The following XKR6 variants were observed in gnomAD, a reference collection of about 807,000 sequenced individuals.
The protein encoded by XKR6 is XK-related protein 6.
A neutral mutation model predicts 56.7 loss-of-function variants in XKR6; 22 were observed. That is an observed-to-expected ratio of 0.39 (90% CI 0.28 to 0.55). The LOEUF (loss-of-function observed/expected upper bound fraction) is 0.55. Among genes scored for constraint, XKR6 ranks in the 20% least tolerant of loss-of-function variants. XKR6 has a pLI of 0.66. For synonymous variants in XKR6, 524 were observed against 387.8 expected (o/e 1.35, Z -4.13); for missense variants, 852 against 889.0 (o/e 0.96, Z 0.53).
At chr8:10,947,865 G>C (rs1490442676) in intron 1 of XKR6, among the ~76,000 whole-genome samples, 3 of 152,204 alleles carry the variant, frequency 2.0e-5, no homozygotes, top group South Asian at 2.1e-4. Flanking sequence ...CACAGGTGTA[G>C]GGACCCAAGA....
rs58110699 is a variant in XKR6 at position 11,049,485 on chromosome 8, A to G, written c.765-124655T>C. ...GGGGCTGCGGGAATTAGCCTCCTCC[A>G]GGGGTGGCTGTACGTGAAGACCTAC... On this transcript the variant is annotated intron_variant, in intron 1 of 2. Transcript: ENST00000416569. 2.1e-3 allele frequency among the ~76,000 whole-genome samples: 316 copies of G among 152,258 alleles called. 1 individual carries two copies. Among genetic ancestry groups the G allele is most frequent in the African/African-American group, 7.1e-3 (294 of 41,556 alleles).
intron 1 of XKR6, among the ~76,000 whole-genome samples, chr8:11,086,239 A>C (rs1797887051): frequency 6.6e-6 from 1 of 151,990 alleles, no homozygotes; most frequent in South Asian, 2.1e-4. Flanking sequence ...AGTTGCTTAA[A>C]TGTAAATTAG....
intron 1 of XKR6, among the ~76,000 whole-genome samples, chr8:11,055,427 G>A (rs1232725821): frequency 6.6e-6 from 1 of 152,186 alleles, no homozygotes; most frequent in African/African-American, 2.4e-5. Context: ...CCCAAGGTCG[G>A]GGCCTTGAGG....
chr8:10,914,167 G>GC (rs199659731), intron 2 of XKR6, among the ~76,000 whole-genome samples: 4 of 134,844 alleles, frequency 3.0e-5, no homozygotes, highest in African/African-American at 1.2e-4. Flanking sequence ...CTCAGAGAGT[G>GC]CCCCCCACCC....
chr8:11,088,590 A>G (rs1433396768), intron 1 of XKR6, among the ~76,000 whole-genome samples: 5 of 152,224 alleles, frequency 3.3e-5, no homozygotes, highest in Admixed American at 2.0e-4. Context: ...TCCTTAGGTG[A>G]CAAAGACAAG....
intron 1 of XKR6, among the ~76,000 whole-genome samples, chr8:10,930,882 T>C (rs1041249578): frequency 3.3e-5 from 5 of 152,218 alleles, no homozygotes; most frequent in African/African-American, 7.2e-5. Context: ...TTATGATGTC[T>C]ACACACACCA....
chr8:11,153,381 T>C (rs1275439167), intron 1 of XKR6, among the ~76,000 whole-genome samples: 1 of 152,210 alleles, frequency 6.6e-6, no homozygotes, highest in Non-Finnish European at 1.5e-5. Context: ...GTGAGCAGTA[T>C]CAATAGGTTG....
At chr8:11,147,654 CAAAAAAAA>C (rs35057185) in intron 1 of XKR6, among the ~76,000 whole-genome samples, 1 of 100,624 alleles carries the variant, frequency 9.9e-6, no homozygotes, top group Non-Finnish European at 2.0e-5. Context: ...GACTCTGTCT[CAAAAAAAA>C]AAAAAAAAGC....
chr8:11,166,554 T>C (rs1802083503), intron 1 of XKR6, among the ~76,000 whole-genome samples: 1 of 152,168 alleles, frequency 6.6e-6, no homozygotes, highest in Non-Finnish European at 1.5e-5. Context: ...AATTTAATGT[T>C]TATTTAATCT....
At chr8:11,192,345 G>C (rs1803629186) in intron 1 of XKR6, among the ~76,000 whole-genome samples, 1 of 151,990 alleles carries the variant, frequency 6.6e-6, no homozygotes, top group South Asian at 2.1e-4. Context: ...TTTTAATAGA[G>C]ACACCATGTT....
intron 1 of XKR6, among the ~76,000 whole-genome samples, chr8:11,146,623 CAA>C (rs544514802): frequency 9.8e-5 from 6 of 61,230 alleles, no homozygotes; most frequent in Admixed American, 1.9e-4. Context: ...GAGACCCTGT[CAA>C]AAAAAAAAAA....
intron 1 of XKR6, among the ~76,000 whole-genome samples, chr8:11,016,300 G>T (rs949981410): frequency 6.6e-6 from 1 of 152,138 alleles, no homozygotes; most frequent in African/African-American, 2.4e-5. Flanking sequence ...GAGGGTCTGG[G>T]CTCCGCGCCG....
At chr8:11,041,360 A>G (rs993984327) in intron 1 of XKR6, among the ~76,000 whole-genome samples, 4 of 152,172 alleles carry the variant, frequency 2.6e-5, no homozygotes, top group African/African-American at 9.7e-5. Flanking sequence ...GTTTGAGATC[A>G]GTCTGGCCAA....
intron 1 of XKR6, among the ~76,000 whole-genome samples, chr8:11,084,140 G>A (rs898469489): frequency 6.6e-6 from 1 of 152,192 alleles, no homozygotes; most frequent in African/African-American, 2.4e-5. Context: ...CTGTGTGATT[G>A]CCTGGGTATC....
intron 1 of XKR6, among the ~76,000 whole-genome samples, chr8:11,081,122 A>G (rs1797709457): frequency 6.6e-6 from 1 of 152,224 alleles, no homozygotes; most frequent in Admixed American, 6.5e-5. Flanking sequence ...TCTACCTCAA[A>G]ATGGCATGAT....
chr8:10,959,560 ACGT>A (rs1236356448), intron 1 of XKR6, among the ~76,000 whole-genome samples: 4 of 152,038 alleles, frequency 2.6e-5, no homozygotes, highest in African/African-American at 7.2e-5. Context: ...CTGTGTCCTC[ACGT>A]GGTGGAGAGA....
chr8:11,036,980 G>T (rs1799161919), intron 1 of XKR6, among the ~76,000 whole-genome samples: 1 of 152,194 alleles, frequency 6.6e-6, no homozygotes, highest in African/African-American at 2.4e-5. Context: ...AAGCCCCCTA[G>T]ATCGGGTATG....
At chr8:10,957,766 C>A (rs919711573) in intron 1 of XKR6, among the ~76,000 whole-genome samples, 15 of 152,162 alleles carry the variant, frequency 9.9e-5, no homozygotes, top group Non-Finnish European at 2.1e-4. Context: ...GCCTCTCCAT[C>A]CCTCCTCAGA....
intron 1 of XKR6, among the ~76,000 whole-genome samples, chr8:11,132,330 C>A (rs901719534): frequency 6.6e-6 from 1 of 152,030 alleles, no homozygotes; most frequent in Non-Finnish European, 1.5e-5. Context: ...CTTAACCAAA[C>A]CTAAATAACT....
Sources: gnomAD v4.1 joint callset for allele counts (sites outside exome capture counted in the v4.1 genomes callset) on GRCh38, gnomAD v4.1.1 for gene constraint, MANE v1.5 for transcripts, NCBI Gene and HGNC (gene_info 2026-07-23, HGNC 2026-07-21) for gene names.